XPO6: variants seen among roughly 807,000 people sequenced by gnomAD.
XPO6 encodes the protein exportin-6.
A neutral mutation model predicts 130.0 loss-of-function variants in XPO6; 3 were observed. The observed-to-expected ratio is 0.02, with a 90% confidence interval of 0.01 to 0.06. The LOEUF (loss-of-function observed/expected upper bound fraction) is 0.06. Among genes scored for constraint, XPO6 ranks in the 10% least tolerant of loss-of-function variants. The pLI, the probability that XPO6 is intolerant of heterozygous loss-of-function variation, is 1.00. For synonymous variants in XPO6, 524 were observed against 548.9 expected (o/e 0.95, Z 0.63); for missense variants, 970 against 1,393.0 (o/e 0.70, Z 4.83).
rs1567616790 is a variant in XPO6, at chr16:28,140,692, A to AT, written c.1335-5369_1335-5368insA. 3.4e-3 allele frequency among the ~76,000 whole-genome samples: 506 copies of AT among 149,360 alleles called. 4 individuals are homozygous for AT. Among genetic ancestry groups the AT allele is most frequent in the African/African-American group, 0.012 (488 of 40,768 alleles). On this transcript the variant is annotated intron_variant, in intron 9 of 23. Transcript: ENST00000304658. ...ACCCCGTCTCAAAAAAAAAAAAAAAAATTTTTTTTGAGGGATAAAGCTAAA... is the reference window on the plus strand; with the variant it reads ...ACCCCGTCTCAAAAAAAAAAAAAAAATATTTTTTTTGAGGGATAAAGCTAAA...
At chr16:28,177,176 T>C in intron 3 of XPO6, 44 bp downstream of exon 3, 1 of 1,402,488 alleles carries the variant, frequency 7.1e-7, no homozygotes, top group Admixed American at 1.9e-5. Context: ...GCAATAGAAC[T>C]ACAAAATCCT....
At chr16:28,103,803 G>A (rs943440573) in intron 21 of XPO6, among the ~76,000 whole-genome samples, 2 of 152,244 alleles carry the variant, frequency 1.3e-5, no homozygotes, top group African/African-American at 2.4e-5. Flanking sequence ...GCGCGCATGC[G>A]CACGTGCATG....
intron 1 of XPO6, among the ~76,000 whole-genome samples, chr16:28,204,229 C>G (rs1244239275): frequency 6.6e-6 from 1 of 152,000 alleles, no homozygotes; most frequent in African/African-American, 2.4e-5. Flanking sequence ...CAACAAAAGA[C>G]CAACCTCATT....
At chr16:28,171,704 T>C (rs11074894) in intron 4 of XPO6, among the ~76,000 whole-genome samples, 8,196 of 152,258 alleles carry the variant, frequency 0.054, 562 homozygotes, top group East Asian at 0.17. Context: ...TTGTATATTC[T>C]CCACAATTTT....
chr16:28,152,515 G>C (rs2043113315), intron 8 of XPO6, 144 bp downstream of exon 8: 1 of 1,018,940 alleles, frequency 9.8e-7, no homozygotes, highest in African/African-American at 1.7e-5. Context: ...AGGGATGTTA[G>C]GAAGATTAAA....
intron 8 of XPO6, among the ~76,000 whole-genome samples, chr16:28,152,010 T>C (rs1327630508): frequency 1.3e-5 from 2 of 152,132 alleles, no homozygotes; most frequent in Non-Finnish European, 2.9e-5. Flanking sequence ...TTACAATGAG[T>C]GAATTTCATG....
intron 9 of XPO6, among the ~76,000 whole-genome samples, chr16:28,144,357 T>G (rs1320781673): frequency 6.6e-6 from 1 of 152,238 alleles, no homozygotes; most frequent in Non-Finnish European, 1.5e-5. Context: ...TGCATATTTA[T>G]TTATTTTAAT....
At position 28,106,763 on chromosome 16, in the gene XPO6, C is replaced by G. The variant is rs116191573; in HGVS notation, c.2498-266G>C. 1.0e-2 allele frequency among the ~76,000 whole-genome samples: 1,521 copies of G among 152,276 alleles called. 32 individuals carry two copies. Among genetic ancestry groups the G allele is most frequent in the African/African-American group, 0.035 (1,448 of 41,548 alleles). On this transcript the variant is annotated intron_variant, in intron 18 of 23. Transcript: ENST00000304658. This position sits in a 1 kb window ranked among gnomAD's most constrained non-coding sequence, Gnocchi z 4.2. ...TCATCTCGAACCCTCCCTCATTGCC[C>G]GACATCCAGTGATGGTCAGAGTTTC... is the stretch of plus-strand genomic sequence containing the variant.
intron 7 of XPO6, chr16:28,154,389 C>T: frequency 1.4e-6 from 1 of 720,590 alleles, no homozygotes; most frequent in Non-Finnish European, 1.7e-6. Context: ...TTTATTTCAC[C>T]TCATTTTCTT....
rs868100911 is a variant in XPO6 at position 28,114,200 on chromosome 16, A to C, written c.2005-1150T>G. 5.2e-3 allele frequency among the ~76,000 whole-genome samples: 291 copies of C among 55,494 alleles called. 1 individual carries two copies. Among genetic ancestry groups the C allele is most frequent in the African/African-American group, 0.019 (257 of 13,566 alleles). The allele number at this position is 55,494 out of a possible 152,430, so 36.4% of individuals were successfully genotyped here. On this transcript the variant is annotated intron_variant, in intron 15 of 23. Transcript: ENST00000304658. The stretch of plus-strand genomic sequence containing the variant: ...TAGGAAAATTATTATACATCCTCAC[A>C]AAAAAAAAAAAAAAAAACCACTGGA...
chr16:28,203,578 G>A (rs1425098472), intron 1 of XPO6, among the ~76,000 whole-genome samples: 4 of 152,120 alleles, frequency 2.6e-5, no homozygotes, highest in Admixed American at 2.0e-4. Context: ...TCAGCACATG[G>A]CCCATCTCCT....
chr16:28,191,341 G>A (rs947913589), intron 1 of XPO6, among the ~76,000 whole-genome samples: 7 of 152,174 alleles, frequency 4.6e-5, no homozygotes, highest in African/African-American at 1.7e-4. Flanking sequence ...ACTGTCTAAA[G>A]TAAGTAATAC....
In XPO6 at chr16:28,111,898, G is replaced by A; in HGVS notation, c.2260C>T (p.Leu754Phe). Residue 754 changes from leucine to phenylalanine, a missense_variant, in exon 17 of 24, where the codon CTC (leucine) becomes TTC (phenylalanine). Transcript: ENST00000304658. Reference protein sequence around the residue: ...WPVRSINHASLISALSRDYRN... With the variant: ...WPVRSINHASFISALSRDYRN... ...TAGTCCCGGGAGAGTGCAGAGATGA[G>A]GCTGGCGTGGTTGATGGAGCGCACG... 4 of 1,614,158 alleles carry A rather than the reference G, an allele frequency of 2.5e-6. No homozygotes were observed. Among genetic ancestry groups the A allele is most frequent in the Non-Finnish European group, 3.4e-6 (4 of 1,180,028 alleles).
At chr16:28,121,088 C>A (rs1314251397) in intron 14 of XPO6, among the ~76,000 whole-genome samples, 2 of 152,262 alleles carry the variant, frequency 1.3e-5, no homozygotes, top group East Asian at 1.9e-4. Context: ...ACTTTCCTAA[C>A]AGCATCCCAT....
intron 15 of XPO6, among the ~76,000 whole-genome samples, chr16:28,115,365 A>C (rs1456561761): frequency 6.6e-6 from 1 of 152,254 alleles, no homozygotes; most frequent in African/African-American, 2.4e-5. Flanking sequence ...ATGTTGTGTG[A>C]GCAGCCATGG....
At chr16:28,186,549 T>C (rs2043698929) in intron 1 of XPO6, among the ~76,000 whole-genome samples, 1 of 151,728 alleles carries the variant, frequency 6.6e-6, no homozygotes, top group Non-Finnish European at 1.5e-5. Flanking sequence ...ATTTTCATTT[T>C]TGTAGAGCCT....
chr16:28,106,242 C>A lies in XPO6; in HGVS notation c.2613-28G>T. On this transcript the variant is annotated intron_variant, in intron 19 of 23. Transcript: ENST00000304658. This position sits in a 1 kb window ranked among gnomAD's most constrained non-coding sequence, Gnocchi z 4.2. Reference sequence around the variant, plus strand: ...ACAGAGGAGAAAGCCACACAGTGAGCAACCACATGTTTCTCTGGGGGCCAG... The same window carrying A: ...ACAGAGGAGAAAGCCACACAGTGAGAAACCACATGTTTCTCTGGGGGCCAG... 1 of 1,610,972 alleles carries A rather than the reference C, an allele frequency of 6.2e-7. No homozygotes were observed. Among genetic ancestry groups the A allele is most frequent in the Non-Finnish European group, 8.5e-7 (1 of 1,177,640 alleles).
chr16:28,111,560 T>C (rs920362460), intron 17 of XPO6: 1 of 388,922 alleles, frequency 2.6e-6, no homozygotes, highest in Non-Finnish European at 4.7e-6. Flanking sequence ...TTCCATTTTT[T>C]CTTAGGGCTC....
chr16:28,203,265 G>C (rs1263787796), intron 1 of XPO6, among the ~76,000 whole-genome samples: 1 of 145,568 alleles, frequency 6.9e-6, no homozygotes, highest in Non-Finnish European at 1.5e-5. Flanking sequence ...GACGGAGTAA[G>C]ACCCCATCTC....
Sources: gnomAD v4.1 joint callset for allele counts (sites outside exome capture counted in the v4.1 genomes callset) on GRCh38, gnomAD v4.1.1 for gene constraint, Gnocchi (gnomAD v3.1) non-coding constraint, MANE v1.5 for transcripts, NCBI Gene and HGNC (gene_info 2026-07-23, HGNC 2026-07-21) for gene names.